The following ATXN2L variants were observed in gnomAD, a reference collection of about 807,000 sequenced individuals.
ATXN2L encodes ataxin-2-like protein.
In ATXN2L, 24 loss-of-function variants were observed where a neutral mutation model predicts 120.7. The observed-to-expected ratio is 0.20, with a 90% confidence interval of 0.14 to 0.28. The LOEUF (loss-of-function observed/expected upper bound fraction) is 0.28, where lower values mean the gene tolerates loss of function less well. Among genes scored for constraint, ATXN2L ranks in the 10% least tolerant of loss-of-function variants. The pLI, the probability that ATXN2L is intolerant of heterozygous loss-of-function variation, is 1.00. For missense variants in ATXN2L, 1,312 were observed against 1,432.3 expected (o/e 0.92, Z 1.36); for synonymous variants, 653 against 568.1 (o/e 1.15, Z -2.13).
intron 1 of ATXN2L, 69 bp from the exon 2 acceptor site, chr16:28,825,297 T>C: frequency 7.0e-7 from 1 of 1,430,284 alleles, no homozygotes; most frequent in Non-Finnish European, 9.8e-7. Flanking sequence ...TTCTAGGATT[T>C]AACATTAATT....
intron 21 of ATXN2L, 60 bp from the exon 22 acceptor site, chr16:28,835,873 G>C (rs1388710915): frequency 3.8e-6 from 6 of 1,569,496 alleles, no homozygotes; most frequent in Non-Finnish European, 4.3e-6. Context: ...CCTAACTCTG[G>C]CTCTCAGAGT....
At chr16:28,827,061 G>A in intron 6 of ATXN2L, 75 bp downstream of exon 6, 1 of 1,317,392 alleles carries the variant, frequency 7.6e-7, no homozygotes, top group Non-Finnish European at 9.9e-7. Context: ...TCATTTGAGT[G>A]GGGAGGGAAA....
Position 28,836,223 on chromosome 16 carries a change from G to A in ATXN2L, c.3186G>A (p.Gly1062=). ...AGGIWHGRAE[G]LQVGQDARVL... ...GAATTTGGCATGGAAGAGCTGAGGG[G>A]CTGCAGGTGGGGCAGGATGCACGGG... Residue 1062 remains glycine, a synonymous_variant, in exon 22 of 22, where the codon GGG becomes GGA. Coordinates refer to ENST00000336783, the MANE Select transcript of ATXN2L (RefSeq NM_007245.4). 1.2e-6 allele frequency: 2 copies of A among 1,613,964 alleles called. No homozygotes were observed. The highest frequency in any genetic ancestry group is 1.1e-5 in the South Asian group (1 of 91,074).
At chr16:28,830,465 A>C (rs2053960085) in intron 8 of ATXN2L, 150 bp from the exon 9 acceptor site, 3 of 755,540 alleles carry the variant, frequency 4.0e-6, no homozygotes, top group Non-Finnish European at 6.2e-6. Flanking sequence ...ACGTTAAACT[A>C]GGGCAGATCT....
chr16:28,828,779 C>G (rs377165858), intron 6 of ATXN2L, among the ~76,000 whole-genome samples: 112 of 152,096 alleles, frequency 7.4e-4, no homozygotes, highest in African/African-American at 2.6e-3. Flanking sequence ...GACAGGGTCT[C>G]ACTCTGTCAC....
chr16:28,826,413 C>A, intron 5 of ATXN2L, 23 bp downstream of exon 5: 1 of 1,611,802 alleles, frequency 6.2e-7, no homozygotes, highest in South Asian at 1.1e-5. Flanking sequence ...GCTGTTACCT[C>A]AGACCTGCTC....
Position 28,831,037 on chromosome 16 carries a change from C to T in ATXN2L, c.1286C>T (p.Pro429Leu). The change falls in exon 10 of 22, where the codon CCT becomes CTT. Residue 429 changes from proline (P) to leucine (L), a missense_variant. By Grantham distance (98) the Pro-to-Leu change is moderately conservative. Transcript: ENST00000336783. ...ACTCTGTCTTCGCCCAGTAATAGGC[C>T]TTCTGGAGAAACTTCTGTTCCACCT... ...AKTLSSPSNR[P>L]SGETSVPPPP... The T allele has an allele frequency of 1.9e-6, 3 of 1,611,708 alleles. No individual in the cohort carries two copies. The highest frequency in any genetic ancestry group is 2.5e-6 in the Non-Finnish European group (3 of 1,179,350).
At chr16:28,834,758 A>G (rs1417423767) in intron 18 of ATXN2L, 65 bp downstream of exon 18, 3 of 1,518,848 alleles carry the variant, frequency 2.0e-6, no homozygotes, top group African/African-American at 2.8e-5. Flanking sequence ...TCTTCTCCAG[A>G]GACTTGGGAG....
At chr16:28,828,590 C>CAAA (rs199840308) in intron 6 of ATXN2L, among the ~76,000 whole-genome samples, 1 of 123,670 alleles carries the variant, frequency 8.1e-6, no homozygotes, top group Non-Finnish European at 1.7e-5. Context: ...TCTTTGTCTC[C>CAAA]AAAAAAAAAA....
At chr16:28,824,102 T>G in intron 1 of ATXN2L, 1 of 1,014,728 alleles carries the variant, frequency 9.9e-7, no homozygotes, top group Non-Finnish European at 1.2e-6. Context: ...GAGGGATGAC[T>G]GGGAGGACTG....
chr16:28,827,215 C>G (rs2052432986), intron 6 of ATXN2L, among the ~76,000 whole-genome samples: 1 of 151,978 alleles, frequency 6.6e-6, no homozygotes, highest in African/African-American at 2.4e-5. Flanking sequence ...CGGTGGGTCA[C>G]TTGAGGCAAG....
At chr16:28,829,311 C>A in intron 6 of ATXN2L, 90 bp from the exon 7 acceptor site, 1 of 896,558 alleles carries the variant, frequency 1.1e-6, no homozygotes, top group Non-Finnish European at 1.9e-6. Context: ...CCAATTTGTT[C>A]ACATCTTGGA....
chr16:28,833,596 C>T (rs748114008), intron 15 of ATXN2L, 88 bp downstream of exon 15: 17 of 1,318,636 alleles, frequency 1.3e-5, no homozygotes, highest in Admixed American at 3.5e-5. Context: ...GAACACTTCA[C>T]TTCCAGGACC....
In ATXN2L at chr16:28,829,490, T is replaced by C. The variant is rs1338164869; in HGVS notation, c.831T>C (p.Tyr277=). ...KTTYDSSLSS[Y]TVPLEKDNSE... is the part of the protein sequence containing the mutation. ...CCTATGATAGCAGTCTTTCTTCTTATACGTGAGTATCTTGGTGCTCTCCAG... is the reference window on the plus strand; with the variant it reads ...CCTATGATAGCAGTCTTTCTTCTTACACGTGAGTATCTTGGTGCTCTCCAG... Residue 277 remains tyrosine, a splice_region_variant and synonymous_variant, in exon 7 of 22, where the codon TAT becomes TAC. Coordinates refer to ENST00000336783, the MANE Select transcript of ATXN2L (RefSeq NM_007245.4). 9 of 1,594,484 alleles carry C rather than the reference T, an allele frequency of 5.6e-6. No homozygotes were observed. The highest frequency in any genetic ancestry group is 2.2e-5 in the East Asian group (1 of 44,796).
At chr16:28,823,719 C>A in intron 1 of ATXN2L, 161 bp downstream of exon 1, 1 of 739,064 alleles carries the variant, frequency 1.4e-6, no homozygotes, top group South Asian at 6.4e-5. Context: ...ACAGGTCGGA[C>A]GGAAAGGGTC....
In ATXN2L at chr16:28,835,734, C is replaced by T. The variant is rs769057149; in HGVS notation, c.2871C>T (p.Phe957=). The change falls in exon 21 of 22, where the codon TTC becomes TTT. Residue 957 remains phenylalanine, a synonymous_variant. Coordinates refer to ENST00000336783, the MANE Select transcript of ATXN2L (RefSeq NM_007245.4). ...ACCACCAGCAGCTGCCCCACGGCTTCACCAACATGGCCCATGTTACCCAGG... is the reference window on the plus strand; with the variant it reads ...ACCACCAGCAGCTGCCCCACGGCTTTACCAACATGGCCCATGTTACCCAGG... ...AIHHQQLPHG[F]TNMAHVTQAH... is the part of the protein sequence containing the mutation. 49 of 1,614,036 alleles carry T rather than the reference C, an allele frequency of 3.0e-5. No homozygotes were observed. Among genetic ancestry groups the T allele is most frequent in the Non-Finnish European group, 4.1e-5 (48 of 1,179,998 alleles).
In ATXN2L at chr16:28,830,736, C is replaced by T. The variant is rs1467681661; in HGVS notation, c.1156C>T (p.His386Tyr). The change falls in exon 9 of 22, where the codon CAT becomes TAT. Residue 386 changes from histidine (H) to tyrosine (Y), a missense_variant. His to Tyr is a moderately conservative substitution (Grantham distance 83, BLOSUM62 2). Transcript: ENST00000336783. Reference protein sequence around the residue: ...LSSLPPRGPHHLDNSSPGPGS... With the variant: ...LSSLPPRGPHYLDNSSPGPGS... ...CTCTTTGCCACCTCGTGGCCCTCAC[C>T]ATCTGGACAACAGCAGCCCTGGCCC... The T allele has an allele frequency of 1.2e-6, 2 of 1,613,252 alleles. No homozygotes were observed. Among genetic ancestry groups the T allele is most frequent in the Non-Finnish European group, 1.7e-6 (2 of 1,179,786 alleles).
rs1216870012 is a variant in ATXN2L at position 28,830,035 on chromosome 16, G to A, written c.1011G>A (p.Arg337=). 1 of 1,611,434 alleles carries A rather than the reference G, an allele frequency of 6.2e-7. No individual in the cohort carries two copies. Among genetic ancestry groups the A allele is most frequent in the Non-Finnish European group, 8.5e-7 (1 of 1,177,734 alleles). Residue 337 remains arginine (R), a synonymous_variant, in exon 8 of 22, where the codon CGG becomes CGA. Transcript: ENST00000336783. Reference sequence around the variant, plus strand: ...CAGTCCAGCGGCAGGGCTCAGGGCGGGAGAGCCCCAGCTTGGCATCCAGGT... The same window carrying A: ...CAGTCCAGCGGCAGGGCTCAGGGCGAGAGAGCCCCAGCTTGGCATCCAGGT... ...HSAVQRQGSG[R]ESPSLASREG...
Position 28,834,507 on chromosome 16 carries a change from C to T in ATXN2L, c.2247C>T (p.Gly749=), listed in dbSNP as rs780159648. Reference sequence around the variant, plus strand: ...TCTCCTCTCCTCCTCCTCTTCCAGGCTCCCTTCCTCCGCAGCGCTCGGACC... The same window carrying T: ...TCTCCTCTCCTCCTCCTCTTCCAGGTTCCCTTCCTCCGCAGCGCTCGGACC... ...GQQGKYRGAK[G]SLPPQRSDQH... The change falls in exon 18 of 22, where the codon GGC becomes GGT. Residue 749 remains glycine, a splice_region_variant and synonymous_variant. Transcript: ENST00000336783. 3 of 1,611,440 alleles carry T rather than the reference C, an allele frequency of 1.9e-6. No individual in the cohort carries two copies. In the African/African-American group the frequency reaches 4.0e-5, roughly 22 times the overall value.
Sources: gnomAD v4.1 joint callset for allele counts (sites outside exome capture counted in the v4.1 genomes callset) on GRCh38, gnomAD v4.1.1 for gene constraint, MANE v1.5 for transcripts, NCBI Gene and HGNC (gene_info 2026-07-23, HGNC 2026-07-21) for gene names.